The following SVIL variants were observed in gnomAD, a reference collection of about 807,000 sequenced individuals.
The protein encoded by SVIL is supervillin.
SVIL carries 101 observed loss-of-function variants against 240.4 expected under a neutral mutation model. The ratio of observed to expected loss-of-function variants is 0.42; its 90% CI spans 0.36 to 0.50. SVIL has a LOEUF of 0.50. Among genes scored for constraint, SVIL ranks in the 20% least tolerant of loss-of-function variants. The probability of loss-of-function intolerance (pLI) is 0.01; values close to 1 mark genes in which losing one functional copy is unlikely to be tolerated. For synonymous variants in SVIL, 999 were observed against 1,100.0 expected (o/e 0.91, Z 1.82); for missense variants, 2,512 against 2,818.7 (o/e 0.89, Z 2.46).
rs1411790915 is a variant in SVIL at position 29,533,010 on chromosome 10, T to C, written c.1357A>G (p.Lys453Glu). 1 of 1,614,046 alleles carries C rather than the reference T, an allele frequency of 6.2e-7. No homozygotes were observed. The highest frequency in any genetic ancestry group is 2.2e-5 in the East Asian group (1 of 44,888). Reference sequence around the variant, plus strand: ...CCCTCCAAAGCCAGTAGGGTTTTCTTGCTTTGCTCGAGAGCTTCAGTGAAG... The same window carrying C: ...CCCTCCAAAGCCAGTAGGGTTTTCTCGCTTTGCTCGAGAGCTTCAGTGAAG... ...VCFTEALEQSKKTLLALEGDG... is the reference protein window; with the variant it reads ...VCFTEALEQSEKTLLALEGDG... Residue 453 changes from lysine to glutamate, a missense_variant, in exon 8 of 38, where the codon AAG becomes GAG. By Grantham distance (56) the Lys-to-Glu change is moderately conservative. This residue lies in a region of SVIL where 1,443 missense variants were observed against 1,486.6 expected (regional missense o/e 0.97). Transcript: ENST00000355867.
At chr10:29,519,345 T>C (rs1250644121) in intron 16 of SVIL, among the ~76,000 whole-genome samples, 1 of 152,090 alleles carries the variant, frequency 6.6e-6, no homozygotes, top group Non-Finnish European at 1.5e-5. Flanking sequence ...ATTCACTACG[T>C]GGCCCTGGAG....
chr10:29,493,066 C>G (rs1473479312), intron 21 of SVIL, 148 bp downstream of exon 21: 193 of 985,418 alleles, frequency 2.0e-4, no homozygotes, highest in South Asian at 1.4e-3. Flanking sequence ...CCTGCAACAC[C>G]TTGCCCTGGC....
chr10:29,549,967 A>C (rs1953106469), intron 6 of SVIL, among the ~76,000 whole-genome samples: 1 of 142,288 alleles, frequency 7.0e-6, no homozygotes, highest in Non-Finnish European at 1.5e-5. Context: ...GCACATGTAT[A>C]CATATGTAAC....
chr10:29,734,923 C>T lies in SVIL; in HGVS notation c.-400+828G>A, dbSNP rs79903417. On this transcript the variant is annotated intron_variant, in intron 1 of 35. Transcript: ENST00000375400. ...AGCTCCTTTAATTTCCCCAGCTGGC[C>T]TCTCCCCTTGTGAGGAACTTCTCAT... Among the ~76,000 whole-genome samples the T allele has an allele frequency of 9.3e-3, 1,409 of 152,274 alleles. 18 individuals are homozygous for T. Among genetic ancestry groups the T allele is most frequent in the African/African-American group, 0.031 (1,272 of 41,560 alleles).
intron 1 of SVIL, among the ~76,000 whole-genome samples, chr10:29,713,851 GT>G (rs1963450187): frequency 6.6e-6 from 1 of 152,176 alleles, no homozygotes; most frequent in African/African-American, 2.4e-5. Flanking sequence ...AAAATGCTAG[GT>G]TTAAAAATGT....
At chr10:29,673,649 G>A (rs1008561212) in intron 2 of SVIL, among the ~76,000 whole-genome samples, 21 of 151,880 alleles carry the variant, frequency 1.4e-4, no homozygotes, top group African/African-American at 4.4e-4. Context: ...CAGATCTTGC[G>A]AGAACTCACT....
intron 1 of SVIL, among the ~76,000 whole-genome samples, chr10:29,604,133 C>T (rs551348783): frequency 1.3e-5 from 2 of 152,084 alleles, no homozygotes; most frequent in East Asian, 3.9e-4. Context: ...GAAAGAGAGG[C>T]ACCACATTCA....
chr10:29,528,712 G>A (rs981220178), intron 12 of SVIL, among the ~76,000 whole-genome samples: 1 of 152,086 alleles, frequency 6.6e-6, no homozygotes, highest in Admixed American at 6.5e-5. Flanking sequence ...ATTCCAGCCT[G>A]AGTAACAGAG....
chr10:29,665,227 CAAAAAAAAAAAAA>C (rs58164251), intron 2 of SVIL, among the ~76,000 whole-genome samples: 24 of 67,380 alleles, frequency 3.6e-4, no homozygotes, highest in Non-Finnish European at 5.6e-4. Context: ...GATCTTGTCT[CAAAAAAAAAAAAA>C]AAAAAAAAAA....
chr10:29,536,552 TA>T (rs1951753679), intron 6 of SVIL, among the ~76,000 whole-genome samples: 1 of 151,926 alleles, frequency 6.6e-6, no homozygotes, highest in African/African-American at 2.4e-5. Flanking sequence ...AATCAAGAGG[TA>T]AAAATAAATG....
chr10:29,652,612 A>G (rs1467632085), intron 3 of SVIL, among the ~76,000 whole-genome samples: 1 of 152,210 alleles, frequency 6.6e-6, no homozygotes, highest in African/African-American at 2.4e-5. Flanking sequence ...ATTGGGTTAT[A>G]AAAGGTAAAT....
At chr10:29,710,348 C>A (rs1338839201) in intron 1 of SVIL, among the ~76,000 whole-genome samples, 1 of 152,176 alleles carries the variant, frequency 6.6e-6, no homozygotes, top group Non-Finnish European at 1.5e-5. Context: ...TGAGCCACCA[C>A]GCCCAGCCAA....
At chr10:29,694,939 G>C (rs975325746) in intron 1 of SVIL, among the ~76,000 whole-genome samples, 2 of 152,174 alleles carry the variant, frequency 1.3e-5, no homozygotes, top group African/African-American at 2.4e-5. Flanking sequence ...GAAGGGAGGG[G>C]CCTGAGTTAT....
rs753738627 is a variant in SVIL at position 29,487,167 on chromosome 10, G to A, written c.4481C>T (p.Ala1494Val). The A allele has an allele frequency of 1.5e-5, 25 of 1,613,672 alleles. No homozygotes were observed. The highest frequency in any genetic ancestry group is 2.2e-5 in the South Asian group (2 of 91,052). ...TTTTATTTTTCAGGTACCAACCTTCGCCTTTTCTATGACGTTTGCAAACTC... is the reference window on the plus strand; with the variant it reads ...TTTTATTTTTCAGGTACCAACCTTCACCTTTTCTATGACGTTTGCAAACTC... The part of the protein sequence containing the change: ...VGEFANVIEK[A>V]KASELATLIQ... Residue 1494 changes from alanine (A) to valine (V), a missense_variant, in exon 24 of 38, where the codon GCG becomes GTG. Around this residue, in one of 3 missense-constraint regions of SVIL, gnomAD observed 272 missense variants for 406.8 expected, o/e 0.67. Coordinates refer to ENST00000355867, the MANE Select transcript of SVIL (RefSeq NM_021738.3).
intron 1 of SVIL, among the ~76,000 whole-genome samples, chr10:29,727,532 G>T (rs1220621861): frequency 1.3e-5 from 2 of 152,042 alleles, no homozygotes; most frequent in East Asian, 3.9e-4. Context: ...CCTCAGGCCG[G>T]TCAAACTGTA....
At chr10:29,606,004 G>T (rs896873498) in intron 1 of SVIL, among the ~76,000 whole-genome samples, 5 of 152,046 alleles carry the variant, frequency 3.3e-5, no homozygotes, top group Non-Finnish European at 7.4e-5. Context: ...TCCGCCTCCT[G>T]GGTTCAAGCA....
intron 2 of SVIL, among the ~76,000 whole-genome samples, chr10:29,564,903 A>G (rs762453387): frequency 1.6e-4 from 24 of 152,248 alleles, no homozygotes; most frequent in Non-Finnish European, 3.2e-4. Context: ...ATTGTAAGGC[A>G]GTAACTACTC....
intron 3 of SVIL, among the ~76,000 whole-genome samples, chr10:29,654,351 A>G (rs1232395493): frequency 6.6e-6 from 1 of 152,142 alleles, no homozygotes; most frequent in Non-Finnish European, 1.5e-5. Context: ...CATTACAAGT[A>G]TATATAACAA....
chr10:29,513,228 T>A (rs1387927712), intron 16 of SVIL, among the ~76,000 whole-genome samples: 1 of 152,108 alleles, frequency 6.6e-6, no homozygotes, highest in Non-Finnish European at 1.5e-5. Flanking sequence ...TGAAATAACA[T>A]TAAAGGACTA....
Sources: allele counts gnomAD v4.1 joint callset (sites outside exome capture counted in the v4.1 genomes callset), GRCh38; gene constraint gnomAD v4.1.1; regional missense constraint gnomAD v4.1.1; transcripts MANE v1.5; gene names NCBI Gene and HGNC (gene_info 2026-07-23, HGNC 2026-07-21).